OSBPL6: variants seen among roughly 807,000 people sequenced by gnomAD.
The protein encoded by OSBPL6 is oxysterol binding protein like 6, also known as oxysterol-binding protein-related protein 6.
A neutral mutation model predicts 125.8 loss-of-function variants in OSBPL6; 49 were observed. The observed-to-expected ratio is 0.39, with a 90% CI of 0.31 to 0.49. The LOEUF (loss-of-function observed/expected upper bound fraction) is 0.49, where lower values mean the gene tolerates loss of function less well. Among genes scored for constraint, OSBPL6 ranks in the 20% least tolerant of loss-of-function variants. The pLI, the probability that OSBPL6 is intolerant of heterozygous loss-of-function variation, is 0.88. For synonymous variants in OSBPL6, 394 were observed against 391.8 expected (o/e 1.01, Z -0.07); for missense variants, 986 against 1,135.4 (o/e 0.87, Z 1.89).
At chr2:178,308,739 A>G (rs778980637) in intron 3 of OSBPL6, among the ~76,000 whole-genome samples, 3 of 152,102 alleles carry the variant, frequency 2.0e-5, no homozygotes, top group African/African-American at 4.8e-5. Flanking sequence ...CCCACATTCA[A>G]TAGGTTAACA....
chr2:178,391,246 A>G (rs1210067643), intron 22 of OSBPL6, 29 bp downstream of exon 22: 1 of 1,566,242 alleles, frequency 6.4e-7, no homozygotes, highest in Non-Finnish European at 8.6e-7. Context: ...TTCTGCCAAC[A>G]GGAGGGCACT....
intron 1 of OSBPL6, among the ~76,000 whole-genome samples, chr2:178,215,385 C>G (rs998585998): frequency 7.2e-5 from 11 of 152,198 alleles, no homozygotes; most frequent in Non-Finnish European, 1.5e-5. Flanking sequence ...ACTGTGTCTT[C>G]CACAGGTGCC....
intron 1 of OSBPL6, among the ~76,000 whole-genome samples, chr2:178,211,360 G>A (rs2089850591): frequency 6.6e-6 from 1 of 152,188 alleles, no homozygotes; most frequent in African/African-American, 2.4e-5. Flanking sequence ...ATGCAAATAG[G>A]TGAGCAGGTG....
chr2:178,349,901 C>A (rs533591657), intron 12 of OSBPL6, among the ~76,000 whole-genome samples: 1 of 152,316 alleles, frequency 6.6e-6, no homozygotes, highest in East Asian at 1.9e-4. Context: ...CGCAAGGTAG[C>A]TTCCCTCCTG....
At chr2:178,324,347 C>T (rs1466772818) in intron 4 of OSBPL6, 78 bp downstream of exon 4, 2 of 1,052,482 alleles carry the variant, frequency 1.9e-6, no homozygotes, top group Admixed American at 4.1e-5. Flanking sequence ...ATAACGTTTA[C>T]ACCTGACTCC....
Position 178,396,026 on chromosome 2 carries a change from T to A in OSBPL6, c.*467T>A. The stretch of plus-strand genomic sequence containing the variant: ...CAGTGCAGACTTCAAGTGTGTCTGT[T>A]TGATGTGGTGTGATTGTGCTGGCCT... On this transcript the variant is annotated 3_prime_UTR_variant, in exon 25 of 25. Coordinates refer to ENST00000190611, the MANE Select transcript of OSBPL6 (RefSeq NM_032523.4). 3.4e-6 allele frequency: 1 copy of A among 290,718 alleles called. No individual in the cohort carries two copies. Among genetic ancestry groups the A allele is most frequent in the Non-Finnish European group, 6.8e-6 (1 of 146,098 alleles). The allele number at this position is 290,718 out of a possible 1,614,324, so 18.0% of individuals were successfully genotyped here.
chr2:178,382,761 T>G, intron 16 of OSBPL6: 1 of 1,430,728 alleles, frequency 7.0e-7, no homozygotes. Context: ...TCTTATTAAA[T>G]GTATTTAATT....
chr2:178,323,814 G>A (rs1688462698), intron 3 of OSBPL6: 3 of 156,108 alleles, frequency 1.9e-5, no homozygotes, highest in Non-Finnish European at 4.2e-5. Flanking sequence ...GCTATTCCCA[G>A]TTGGAGAGAT....
Position 178,401,509 on chromosome 2 carries a change from A to G in OSBPL6, c.*5950A>G, listed in dbSNP as rs1333405990. The G allele has an allele frequency of 6.6e-6, 1 of 152,236 alleles. No homozygotes were observed. Among genetic ancestry groups the G allele is most frequent in the Non-Finnish European group, 1.5e-5 (1 of 68,042 alleles). 9.4% of individuals were successfully genotyped at this position (152,236 alleles called of 1,614,324 possible). ...TTATTCCTTATATCCGGAGCCTAAA[A>G]GTTTGCTCAAAAGTAGAAAACTTTC... is the stretch of plus-strand genomic sequence containing the variant. On this transcript the variant is annotated 3_prime_UTR_variant, in exon 25 of 25. Transcript: ENST00000190611.
intron 3 of OSBPL6, among the ~76,000 whole-genome samples, chr2:178,319,147 T>C (rs552553174): frequency 6.6e-6 from 1 of 152,332 alleles, no homozygotes; most frequent in African/African-American, 2.4e-5. Context: ...GTCTGCACCA[T>C]ACACCATACC....
intron 3 of OSBPL6, among the ~76,000 whole-genome samples, chr2:178,309,601 CAGTA>C (rs1157672608): frequency 6.6e-6 from 1 of 152,212 alleles, no homozygotes; most frequent in African/African-American, 2.4e-5. Flanking sequence ...CCTGTGATCT[CAGTA>C]AGTGTTTCTT....
chr2:178,345,741 A>G (rs1479521803), intron 11 of OSBPL6, among the ~76,000 whole-genome samples: 1 of 152,246 alleles, frequency 6.6e-6, no homozygotes, highest in Non-Finnish European at 1.5e-5. Flanking sequence ...GGAACAGTCC[A>G]TCATTTTATG....
At chr2:178,289,527 T>C (rs544571698) in intron 2 of OSBPL6, among the ~76,000 whole-genome samples, 1 of 152,326 alleles carries the variant, frequency 6.6e-6, no homozygotes, top group East Asian at 1.9e-4. Flanking sequence ...CACATTTTCC[T>C]ACAGAACCAT....
intron 3 of OSBPL6, among the ~76,000 whole-genome samples, chr2:178,312,150 T>C (rs1041707480): frequency 1.5e-4 from 17 of 112,266 alleles, no homozygotes; most frequent in African/African-American, 5.7e-4. Flanking sequence ...CCCAGCTGAT[T>C]TTTGTAATTT....
chr2:178,294,125 C>T (rs902530053), intron 2 of OSBPL6, among the ~76,000 whole-genome samples: 1 of 152,106 alleles, frequency 6.6e-6, no homozygotes, highest in African/African-American at 2.4e-5. Flanking sequence ...TATCAGCAGT[C>T]ACCATGTGCA....
intron 1 of OSBPL6, among the ~76,000 whole-genome samples, chr2:178,204,008 C>CTTTTCT (rs1261994545): frequency 1.4e-5 from 2 of 147,532 alleles, no homozygotes; most frequent in South Asian, 4.4e-4. Context: ...TAACTGAATT[C>CTTTTCT]TTTTCTTTTT....
At chr2:178,208,293 AAAAAAAG>A (rs2089646468) in intron 1 of OSBPL6, among the ~76,000 whole-genome samples, 1 of 151,872 alleles carries the variant, frequency 6.6e-6, no homozygotes, top group Non-Finnish European at 1.5e-5. Context: ...CTAAAAAAAA[AAAAAAAG>A]AAAAAGAAAG....
At chr2:178,218,696 C>T (rs1000622211) in intron 1 of OSBPL6, among the ~76,000 whole-genome samples, 1 of 148,258 alleles carries the variant, frequency 6.7e-6, no homozygotes, top group East Asian at 2.0e-4. Flanking sequence ...ATGGCACGAT[C>T]TCTGCCCCCT....
At chr2:178,321,281 A>G (rs1047660293) in intron 3 of OSBPL6, among the ~76,000 whole-genome samples, 10 of 152,110 alleles carry the variant, frequency 6.6e-5, no homozygotes, top group Admixed American at 6.6e-4. Context: ...TTGTGCTAGG[A>G]TGGGGTGGAT....
Sources: gnomAD v4.1 joint callset for allele counts (sites outside exome capture counted in the v4.1 genomes callset) on GRCh38, gnomAD v4.1.1 for gene constraint, MANE v1.5 for transcripts, NCBI Gene and HGNC (gene_info 2026-07-23, HGNC 2026-07-21) for gene names.